GRID2: variants seen among roughly 807,000 people sequenced by gnomAD.
GRID2 encodes glutamate ionotropic receptor delta type subunit 2.
GRID2 carries 33 observed loss-of-function variants against 114.8 expected under a neutral mutation model. That is an observed-to-expected ratio of 0.29 (90% CI 0.22 to 0.38). The LOEUF is 0.38. Among genes scored for constraint, GRID2 ranks in the 10% least tolerant of loss-of-function variants. The probability of loss-of-function intolerance (pLI) is 1.00; values close to 1 mark genes in which losing one functional copy is unlikely to be tolerated. For missense variants in GRID2, 1,184 were observed against 1,257.7 expected (o/e 0.94, Z 0.89); for synonymous variants, 505 against 449.9 (o/e 1.12, Z -1.55).
At chr4:93,622,291 A>C (rs1742282615) in intron 13 of GRID2, among the ~76,000 whole-genome samples, 1 of 152,168 alleles carries the variant, frequency 6.6e-6, no homozygotes, top group Admixed American at 6.5e-5. Context: ...CTAACACTCC[A>C]AGCATCTCCT....
intron 14 of GRID2, among the ~76,000 whole-genome samples, chr4:93,655,318 G>A (rs970692737): frequency 1.3e-5 from 2 of 152,066 alleles, no homozygotes; most frequent in Admixed American, 6.6e-5. Flanking sequence ...AATCTAAGCT[G>A]TGTTGCTCTT....
intron 13 of GRID2, among the ~76,000 whole-genome samples, chr4:93,621,043 T>C (rs2149682651): frequency 6.6e-6 from 1 of 152,332 alleles, no homozygotes; most frequent in Non-Finnish European, 1.5e-5. Context: ...AGCAGCTTGA[T>C]GATGGGGGCC....
At chr4:92,838,232 A>G (rs917529936) in intron 2 of GRID2, among the ~76,000 whole-genome samples, 3 of 152,072 alleles carry the variant, frequency 2.0e-5, no homozygotes, top group Non-Finnish European at 4.4e-5. Context: ...GTATTATACA[A>G]TACATAATGG....
At chr4:93,039,284 C>T (rs1725252120) in intron 2 of GRID2, among the ~76,000 whole-genome samples, 1 of 144,982 alleles carries the variant, frequency 6.9e-6, no homozygotes, top group African/African-American at 2.6e-5. Context: ...CACATGGACA[C>T]AGGGAGGGGA....
At chr4:93,671,172 A>C (rs1724377111) in intron 14 of GRID2, among the ~76,000 whole-genome samples, 1 of 152,174 alleles carries the variant, frequency 6.6e-6, no homozygotes, top group Admixed American at 6.5e-5. Context: ...GTGCCTCGTC[A>C]TGTTTCGCTG....
chr4:93,026,906 C>G (rs899517178), intron 2 of GRID2, among the ~76,000 whole-genome samples: 1 of 151,874 alleles, frequency 6.6e-6, no homozygotes, highest in African/African-American at 2.4e-5. Flanking sequence ...TGAAAAACTG[C>G]CCATTTATAG....
chr4:92,624,710 G>A (rs1730439385), intron 2 of GRID2, among the ~76,000 whole-genome samples: 1 of 151,516 alleles, frequency 6.6e-6, no homozygotes, highest in Non-Finnish European at 1.5e-5. Context: ...GAAAAAAAAG[G>A]TTAAAATATC....
chr4:93,750,154 T>G (rs1732192192), intron 14 of GRID2, among the ~76,000 whole-genome samples: 1 of 152,220 alleles, frequency 6.6e-6, no homozygotes, highest in African/African-American at 2.4e-5. Flanking sequence ...TAAGACACCA[T>G]TACCTGGCCT....
intron 2 of GRID2, among the ~76,000 whole-genome samples, chr4:92,632,377 G>A (rs891917470): frequency 2.6e-5 from 4 of 152,066 alleles, no homozygotes; most frequent in Admixed American, 2.6e-4. Context: ...GCTTACACCT[G>A]TAATCCCAAG....
intron 9 of GRID2, among the ~76,000 whole-genome samples, chr4:93,407,723 T>TC (rs1766612051): frequency 1.6e-5 from 1 of 64,252 alleles, no homozygotes; most frequent in East Asian, 4.1e-4. Flanking sequence ...TCCTCCTCCT[T>TC]CTCCTCCTCC....
At chr4:92,532,294 A>T (rs1311296265) in intron 1 of GRID2, among the ~76,000 whole-genome samples, 1 of 152,166 alleles carries the variant, frequency 6.6e-6, no homozygotes, top group African/African-American at 2.4e-5. Flanking sequence ...GTCCAATGAT[A>T]CCTGGCCCTA....
intron 11 of GRID2, among the ~76,000 whole-genome samples, chr4:93,478,674 G>A (rs925253544): frequency 6.6e-6 from 1 of 151,674 alleles, no homozygotes; most frequent in African/African-American, 2.4e-5. Context: ...TATTTTAACT[G>A]TTAACATTAA....
chr4:93,546,262 T>G (rs1180977883), intron 13 of GRID2, among the ~76,000 whole-genome samples: 1 of 152,144 alleles, frequency 6.6e-6, no homozygotes, highest in African/African-American at 2.4e-5. Flanking sequence ...GCGCCAAGTG[T>G]AAAAGTAAAG....
chr4:93,173,988 A>T (rs1739102338), intron 4 of GRID2, among the ~76,000 whole-genome samples: 1 of 152,194 alleles, frequency 6.6e-6, no homozygotes, highest in African/African-American at 2.4e-5. Context: ...ATTCACAGGT[A>T]GTCATGAGAA....
chr4:92,746,914 C>G (rs557026590), intron 2 of GRID2, among the ~76,000 whole-genome samples: 2 of 152,178 alleles, frequency 1.3e-5, no homozygotes, highest in East Asian at 3.9e-4. Flanking sequence ...GAAATCTTCA[C>G]CAATTAGGTA....
chr4:92,886,347 C>T (rs1031093198), intron 2 of GRID2, among the ~76,000 whole-genome samples: 12 of 151,840 alleles, frequency 7.9e-5, no homozygotes, highest in African/African-American at 1.9e-4. Flanking sequence ...CGAGAATCAC[C>T]AAATGTGACA....
intron 2 of GRID2, among the ~76,000 whole-genome samples, chr4:92,860,515 A>G (rs12649257): frequency 0.016 from 2,363 of 152,252 alleles, 35 homozygotes; most frequent in East Asian, 0.078. Context: ...AATATTGCCT[A>G]TAAAGAGAGT....
intron 1 of GRID2, among the ~76,000 whole-genome samples, chr4:92,364,384 A>G (rs575564633): frequency 2.6e-5 from 4 of 152,212 alleles, no homozygotes; most frequent in East Asian, 1.9e-4. Context: ...CATAAAGTCA[A>G]TTCTTACCTC....
intron 10 of GRID2, among the ~76,000 whole-genome samples, chr4:93,423,541 G>T (rs1339327235): frequency 3.3e-5 from 5 of 151,404 alleles, no homozygotes; most frequent in Non-Finnish European, 7.4e-5. Context: ...TAGAGACGGG[G>T]TTTCACCATG....
Sources: gnomAD v4.1 joint callset for allele counts (sites outside exome capture counted in the v4.1 genomes callset) on GRCh38, gnomAD v4.1.1 for gene constraint, MANE v1.5 for transcripts, NCBI Gene and HGNC (gene_info 2026-07-23, HGNC 2026-07-21) for gene names.